The following CHD5 variants were observed in gnomAD, a reference collection of about 807,000 sequenced individuals.
CHD5 encodes the protein chromodomain helicase DNA binding protein 5.
In CHD5, 69 loss-of-function variants were observed where a neutral mutation model predicts 230.3. That is an observed-to-expected ratio of 0.30 (90% CI 0.25 to 0.37). The LOEUF (loss-of-function observed/expected upper bound fraction) is 0.37. Ranked by LOEUF, CHD5 falls within the 10% of genes least tolerant of loss-of-function variation. CHD5 has a pLI of 1.00. For synonymous variants in CHD5, 1,064 were observed against 1,065.9 expected (o/e 1.00, Z 0.03); for missense variants, 1,827 against 2,622.8 (o/e 0.70, Z 6.63).
intron 7 of CHD5, among the ~76,000 whole-genome samples, chr1:6,150,573 G>A (rs941139808): frequency 4.6e-5 from 7 of 151,948 alleles, no homozygotes; most frequent in African/African-American, 1.7e-4. Context: ...GATGATGGAT[G>A]ATGGATGAAT....
At position 6,154,999 on chromosome 1, in the gene CHD5, TGGCAGCA is replaced by T. The variant is rs1289857259; in HGVS notation, c.507-108_507-102del. 1 of 1,046,802 alleles carries T rather than the reference TGGCAGCA, an allele frequency of 9.6e-7. No individual in the cohort carries two copies. The highest frequency in any genetic ancestry group is 1.4e-6 in the Non-Finnish European group (1 of 716,096). 64.8% of individuals were successfully genotyped at this position (1,046,802 alleles called of 1,614,324 possible). On this transcript the variant is annotated intron_variant, in intron 4 of 41. Transcript: ENST00000262450. This position sits in a 1 kb window ranked among gnomAD's most constrained non-coding sequence, Gnocchi z 7.0. The stretch of plus-strand genomic sequence containing the variant: ...ACCCCTCTGCCACATGTGCGATCTA[TGGCAGCA>T]GCCCCAGGTTCCTGATTAGAGAGAT...
intron 11 of CHD5, among the ~76,000 whole-genome samples, chr1:6,144,844 C>G (rs182849440): frequency 6.6e-6 from 1 of 152,372 alleles, no homozygotes; most frequent in Admixed American, 6.5e-5. Context: ...TGCTGCGGGC[C>G]TGGGAACATT....
intron 38 of CHD5, 125 bp downstream of exon 38, chr1:6,109,670 C>A: frequency 1.2e-6 from 1 of 801,572 alleles, no homozygotes; most frequent in Non-Finnish European, 2.0e-6. Context: ...CAGAAGTCCA[C>A]CGCCCTCTGG....
chr1:6,151,208 G>T, intron 6 of CHD5, 53 bp from the exon 7 acceptor site: 1 of 1,550,272 alleles, frequency 6.5e-7, no homozygotes, highest in Admixed American at 1.8e-5. Context: ...AGAAGGCTTC[G>T]CTGGCCCAGG....
chr1:6,130,192 A>C lies in CHD5; in HGVS notation c.3387+12T>G. On this transcript the variant is annotated intron_variant, in intron 22 of 41. Transcript: ENST00000262450. This position sits in a 1 kb window ranked among gnomAD's most constrained non-coding sequence, Gnocchi z 4.9. ...GCCCCCTGGGAGGGTGGTGGGCGGC[A>C]GCAGCACAGACCTGGATGTCATTGT... 6.2e-7 allele frequency: 1 copy of C among 1,613,608 alleles called. No individual in the cohort carries two copies. The highest frequency in any genetic ancestry group is 1.3e-5 in the African/African-American group (1 of 75,040).
chr1:6,143,816 C>T lies in CHD5; in HGVS notation c.2043+7G>A. ...CCACCCACTGCTGCCCCACCCTCCC[C>T]ACTCACGTCCACAATGGGCGTGTCC... On this transcript the variant is annotated splice_region_variant and intron_variant, in intron 13 of 41. Transcript: ENST00000262450. The T allele has an allele frequency of 1.2e-6, 2 of 1,609,658 alleles. No homozygotes were observed. The highest frequency in any genetic ancestry group is 8.5e-7 in the Non-Finnish European group (1 of 1,179,066).
rs75773968 is a variant in CHD5, at chr1:6,134,434, G to T, written c.3013-175C>A. 0.048 allele frequency among the ~76,000 whole-genome samples: 7,247 copies of T among 152,258 alleles called. 566 individuals are homozygous for T. The highest frequency in any genetic ancestry group is 0.16 in the African/African-American group (6,812 of 41,532). On this transcript the variant is annotated intron_variant, in intron 19 of 41. Coordinates refer to ENST00000262450, the MANE Select transcript of CHD5 (RefSeq NM_015557.3). The surrounding 1 kb of genome is among the most constrained non-coding windows in gnomAD (Gnocchi z 6.3). ...CAGGCCCCACAGTGCGGGGTAGACC[G>T]TGGGTCCCACGGCCCTGGCTCCAGG...
In CHD5 at chr1:6,130,126, G is replaced by C; in HGVS notation, c.3387+78C>G. The C allele has an allele frequency of 6.5e-7, 1 of 1,535,366 alleles. No homozygotes were observed. Reference sequence around the variant, plus strand: ...ATAGGTGAGGGGGTGATGGCAAGAAGGGCATGAAGGACAGAACCTGCCTGA... The same window carrying C: ...ATAGGTGAGGGGGTGATGGCAAGAACGGCATGAAGGACAGAACCTGCCTGA... On this transcript the variant is annotated intron_variant, in intron 22 of 41. Transcript: ENST00000262450. This position sits in a 1 kb window ranked among gnomAD's most constrained non-coding sequence, Gnocchi z 4.9.
At chr1:6,151,503 C>A (rs1238009570) in intron 6 of CHD5, among the ~76,000 whole-genome samples, 1 of 152,236 alleles carries the variant, frequency 6.6e-6, no homozygotes, top group African/African-American at 2.4e-5. Context: ...CAGATCTCTC[C>A]TTTACTGGAC....
chr1:6,160,868 C>T (rs563608391), intron 2 of CHD5, among the ~76,000 whole-genome samples: 126 of 152,332 alleles, frequency 8.3e-4, no homozygotes, highest in Admixed American at 2.2e-3. Context: ...TGCTGCCCCT[C>T]GGAGAAAGTG....
intron 33 of CHD5, among the ~76,000 whole-genome samples, chr1:6,116,027 C>T (rs1666373292): frequency 1.3e-5 from 2 of 152,320 alleles, no homozygotes; most frequent in South Asian, 4.1e-4. Context: ...GATATGAAAA[C>T]TTATCAGCCC....
Position 6,154,586 on chromosome 1 carries a change from C to T in CHD5, c.745+74G>A, listed in dbSNP as rs570740872. ...TGCCCCTCCCTGCCCGCGTCTGCCC[C>T]GTGGCTTCTCCTATAGGGTCTGAAA... On this transcript the variant is annotated intron_variant, in intron 5 of 41. Coordinates refer to ENST00000262450, the MANE Select transcript of CHD5 (RefSeq NM_015557.3). This position sits in a 1 kb window ranked among gnomAD's most constrained non-coding sequence, Gnocchi z 7.0. The T allele has an allele frequency of 4.9e-5, 68 of 1,386,234 alleles. 1 individual carries two copies. Among genetic ancestry groups the T allele is most frequent in the South Asian group, 6.0e-5 (4 of 66,498 alleles). 85.9% of individuals were successfully genotyped at this position (1,386,234 alleles called of 1,614,324 possible). A position where few individuals can be genotyped will look rare whatever the true frequency, so the allele number is the denominator to read the frequency against.
intron 31 of CHD5, 21 bp downstream of exon 31, chr1:6,123,927 C>T (rs766191920): frequency 9.1e-6 from 13 of 1,426,580 alleles, no homozygotes; most frequent in Admixed American, 3.4e-5. Flanking sequence ...GTGCCCTCCC[C>T]GGCCCGCCCA....
At chr1:6,173,158 G>A (rs1667365764) in intron 1 of CHD5, among the ~76,000 whole-genome samples, 1 of 150,742 alleles carries the variant, frequency 6.6e-6, no homozygotes. Context: ...AGGCTGGAGT[G>A]CAGTGGCGCG....
Position 6,125,373 on chromosome 1 carries a change from C to A in CHD5, c.4261-140G>T. The A allele has an allele frequency of 1.7e-6, 2 of 1,201,714 alleles. No individual in the cohort carries two copies. Among genetic ancestry groups the A allele is most frequent in the South Asian group, 1.5e-5 (1 of 68,330 alleles). The allele number at this position is 1,201,714 out of a possible 1,614,324, so 74.4% of individuals were successfully genotyped here. ...AGAAGGCAGGGGCCTCCACCTGGGG[C>A]AGGACCCTGACGGCGAAGACCAGAC... is the stretch of plus-strand genomic sequence containing the variant. On this transcript the variant is annotated intron_variant, in intron 28 of 41. Coordinates refer to ENST00000262450, the MANE Select transcript of CHD5 (RefSeq NM_015557.3). This position sits in a 1 kb window ranked among gnomAD's most constrained non-coding sequence, Gnocchi z 6.7.
intron 7 of CHD5, among the ~76,000 whole-genome samples, chr1:6,150,323 G>A (rs890893065): frequency 3.5e-5 from 5 of 142,136 alleles, no homozygotes. Flanking sequence ...GTGGATGGAT[G>A]GATGGGATGG....
rs565037694 is a variant in CHD5 at position 6,167,736 on chromosome 1, C to G, written c.207+414G>C. 6.6e-6 allele frequency among the ~76,000 whole-genome samples: 1 copy of G among 152,270 alleles called. No homozygotes were observed. Among genetic ancestry groups the G allele is most frequent in the Admixed American group, 6.5e-5 (1 of 15,292 alleles). On this transcript the variant is annotated intron_variant, in intron 2 of 41. Coordinates refer to ENST00000262450, the MANE Select transcript of CHD5 (RefSeq NM_015557.3). The surrounding 1 kb of genome is among the most constrained non-coding windows in gnomAD (Gnocchi z 4.5). ...AAAGTGACGGGAATCCAGAGGTCAC[C>G]TGCAGGTGACTGTCCCTAAATGGGG...
In CHD5 at chr1:6,103,849, G is replaced by T. The variant is rs932214679; in HGVS notation, c.*1625C>A. The T allele has an allele frequency of 6.6e-6, 1 of 152,200 alleles. No individual in the cohort carries two copies. Among genetic ancestry groups the T allele is most frequent in the African/African-American group, 2.4e-5 (1 of 41,422 alleles). The allele number at this position is 152,200 out of a possible 1,614,324, so 9.4% of individuals were successfully genotyped here. On this transcript the variant is annotated 3_prime_UTR_variant, in exon 42 of 42. Transcript: ENST00000262450. ...TTATGAGTGAGGCATATAGGGCTTA[G>T]GGAGGGCCAGGCAATCGCTCCAGTG...
intron 38 of CHD5, 78 bp from the exon 39 acceptor site, chr1:6,106,857 T>C: frequency 4.4e-6 from 1 of 227,560 alleles, no homozygotes. Context: ...GATGGAGGGA[T>C]GGAGGGGTGG....
Sources: allele counts gnomAD v4.1 joint callset (sites outside exome capture counted in the v4.1 genomes callset), GRCh38; gene constraint gnomAD v4.1.1; non-coding constraint Gnocchi (gnomAD v3.1); transcripts MANE v1.5; gene names NCBI Gene and HGNC (gene_info 2026-07-23, HGNC 2026-07-21).